The following PLCB4 variants were observed in gnomAD, a reference collection of about 807,000 sequenced individuals.
PLCB4 encodes 1-phosphatidylinositol 4,5-bisphosphate phosphodiesterase beta-4.
In PLCB4, 77 loss-of-function variants were observed where a neutral mutation model predicts 178.8. That is an observed-to-expected ratio of 0.43 (90% confidence interval 0.36 to 0.52). The LOEUF (loss-of-function observed/expected upper bound fraction) is 0.52, where lower values mean the gene tolerates loss of function less well. PLCB4 is among the 20% of genes least tolerant of loss of function. The pLI is 0.00. For synonymous variants in PLCB4, 496 were observed against 490.8 expected, an observed-to-expected ratio of 1.01 and a Z score of -0.14; for missense variants, 1,024 against 1,453.4, an observed-to-expected ratio of 0.70 and a Z score of 4.80.
intron 3 of PLCB4, among the ~76,000 whole-genome samples, chr20:9,253,384 C>T (rs1190848152): frequency 6.6e-6 from 1 of 152,150 alleles, no homozygotes; most frequent in Non-Finnish European, 1.5e-5. Flanking sequence ...CCTCGTTCTC[C>T]AGGTAGCAAA....
chr20:9,288,364 G>A (rs2094552560), intron 3 of PLCB4, among the ~76,000 whole-genome samples: 1 of 147,764 alleles, frequency 6.8e-6, no homozygotes, highest in African/African-American at 2.5e-5. Flanking sequence ...AAGTTCAGAT[G>A]TTTTTCACAT....
At position 9,215,100 on chromosome 20, in the gene PLCB4, G is replaced by A. The variant is rs537612284; in HGVS notation, c.-78-2290G>A. Among the ~76,000 whole-genome samples, 41 of 152,236 alleles carry A rather than the reference G, an allele frequency of 2.7e-4. 1 individual carries two copies. The highest frequency in any genetic ancestry group is 3.4e-3 in the Middle Eastern group (1 of 294). On this transcript the variant is annotated intron_variant, in intron 2 of 39. Coordinates refer to ENST00000378473, the MANE Select transcript of PLCB4 (RefSeq NM_001377142.1). ...TCATAGCCTCAGGAGACATAAAAGA[G>A]TCATATAGTTTAACATTCCAGCTGT...
intron 28 of PLCB4, among the ~76,000 whole-genome samples, chr20:9,431,022 A>C (rs2041357203): frequency 6.6e-6 from 1 of 152,204 alleles, no homozygotes; most frequent in African/African-American, 2.4e-5. Context: ...AGTTTCCTAG[A>C]ACTACTGTAA....
intron 3 of PLCB4, among the ~76,000 whole-genome samples, chr20:9,265,713 C>T (rs1411965732): frequency 6.6e-6 from 1 of 152,158 alleles, no homozygotes; most frequent in Admixed American, 6.5e-5. Context: ...CTGAAGCTGC[C>T]ATACTTGATT....
rs117758952 is a variant in PLCB4 at position 9,282,887 on chromosome 20, C to A, written c.-15-24913C>A. Among the ~76,000 whole-genome samples, 4 of 152,066 alleles carry A rather than the reference C, an allele frequency of 2.6e-5. No individual in the cohort carries two copies. In the East Asian group the frequency reaches 5.8e-4, roughly 22 times the overall value. Reference sequence around the variant, plus strand: ...TCATCTTCCAGTAGATTGTCTTAACCTTTTAAACATGATAATCTCAGGGTT... The same window carrying A: ...TCATCTTCCAGTAGATTGTCTTAACATTTTAAACATGATAATCTCAGGGTT... On this transcript the variant is annotated intron_variant, in intron 3 of 39. Coordinates refer to ENST00000378473, the MANE Select transcript of PLCB4 (RefSeq NM_001377142.1).
chr20:9,298,032 A>G (rs2094659306), intron 3 of PLCB4, among the ~76,000 whole-genome samples: 1 of 152,108 alleles, frequency 6.6e-6, no homozygotes, highest in African/African-American at 2.4e-5. Flanking sequence ...GTATTTTGAG[A>G]TAAAGGAAAT....
chr20:9,157,559 T>C (rs2092812159), intron 2 of PLCB4, among the ~76,000 whole-genome samples: 1 of 152,174 alleles, frequency 6.6e-6, no homozygotes, highest in African/African-American at 2.4e-5. Context: ...CACTTGATTT[T>C]CTCATTCCTG....
In PLCB4 at chr20:9,317,597, C is replaced by T. The variant is rs6056535; in HGVS notation, c.84+9699C>T. Reference sequence around the variant, plus strand: ...TGCTTCAAGGATGCAAGAAGGACGTCTTATTCATGGAAAAATGTGAGATGC... The same window carrying T: ...TGCTTCAAGGATGCAAGAAGGACGTTTTATTCATGGAAAAATGTGAGATGC... On this transcript the variant is annotated intron_variant, in intron 4 of 39. Transcript: ENST00000378473. 3.7e-3 allele frequency among the ~76,000 whole-genome samples: 566 copies of T among 152,204 alleles called. 5 individuals are homozygous for T. The highest frequency in any genetic ancestry group is 0.012 in the African/African-American group (519 of 41,526).
At chr20:9,261,904 TG>T (rs1336735969) in intron 3 of PLCB4, among the ~76,000 whole-genome samples, 5 of 152,182 alleles carry the variant, frequency 3.3e-5, no homozygotes, top group Non-Finnish European at 7.4e-5. Flanking sequence ...AAGACAAAGA[TG>T]AATCTATATT....
chr20:9,192,265 A>G (rs2093414262), intron 2 of PLCB4, among the ~76,000 whole-genome samples: 1 of 152,190 alleles, frequency 6.6e-6, no homozygotes, highest in African/African-American at 2.4e-5. Flanking sequence ...GCCCACAGGT[A>G]TCTCTGCTGT....
intron 9 of PLCB4, among the ~76,000 whole-genome samples, chr20:9,365,763 T>C (rs900689660): frequency 6.6e-6 from 1 of 152,282 alleles, no homozygotes; most frequent in Admixed American, 6.5e-5. Flanking sequence ...CATCAGAAAA[T>C]GTAGAACTAT....
rs140270361 is a variant in PLCB4, at chr20:9,132,773, T to C, written c.-79+36431T>C. ...GGCAAATTTCTGACTTATTTCTGCC[T>C]ATACAATAGCTCCTCACTGCCTCTA... On this transcript the variant is annotated intron_variant, in intron 2 of 39. Coordinates refer to ENST00000378473, the MANE Select transcript of PLCB4 (RefSeq NM_001377142.1). Among the ~76,000 whole-genome samples the C allele has an allele frequency of 2.9e-4, 44 of 152,320 alleles. 1 individual carries two copies. Among genetic ancestry groups the C allele is most frequent in the Non-Finnish European group, 5.4e-4 (37 of 68,026 alleles).
rs747356823 is a variant in PLCB4 at position 9,232,659 on chromosome 20, T to C, written c.-16+15207T>C. ...AAAGTTTGTAGGTAATTTTCAACAT[T>C]TGATGCAGTGCAAAGGACTAAAGAT... On this transcript the variant is annotated intron_variant, in intron 3 of 39. Transcript: ENST00000378473. Among the ~76,000 whole-genome samples the C allele has an allele frequency of 5.9e-5, 9 of 152,246 alleles. No individual in the cohort carries two copies. In the East Asian group the frequency reaches 1.4e-3, roughly 23 times the overall value.
chr20:9,239,941 C>G (rs1478195532), intron 3 of PLCB4, among the ~76,000 whole-genome samples: 1 of 152,190 alleles, frequency 6.6e-6, no homozygotes, highest in Non-Finnish European at 1.5e-5. Flanking sequence ...GGAAGACTCG[C>G]AAGTCTGCTC....
chr20:9,148,950 T>C (rs1050260331), intron 2 of PLCB4, among the ~76,000 whole-genome samples: 11 of 152,194 alleles, frequency 7.2e-5, no homozygotes, highest in African/African-American at 1.2e-4. Context: ...TATTGTTTGC[T>C]TGGGTTTCTG....
At chr20:9,184,915 A>G (rs2093307628) in intron 2 of PLCB4, among the ~76,000 whole-genome samples, 1 of 152,108 alleles carries the variant, frequency 6.6e-6, no homozygotes, top group South Asian at 2.1e-4. Context: ...TTTACTACCT[A>G]TTTATGTATT....
In PLCB4 at chr20:9,244,549, C is replaced by T. The variant is rs537364506; in HGVS notation, c.-16+27097C>T. ...AAGGTAATATTGGCCCCATACAATA[C>T]ATAATTTCTGTCTACGTGTGATTGA... is the stretch of plus-strand genomic sequence containing the variant. On this transcript the variant is annotated intron_variant, in intron 3 of 39. Coordinates refer to ENST00000378473, the MANE Select transcript of PLCB4 (RefSeq NM_001377142.1). Among the ~76,000 whole-genome samples the T allele has an allele frequency of 2.0e-5, 3 of 152,294 alleles. No homozygotes were observed. The South Asian group carries it at 6.2e-4, about 32-fold the overall frequency.
chr20:9,291,790 A>T (rs1428003808), intron 3 of PLCB4, among the ~76,000 whole-genome samples: 1 of 152,164 alleles, frequency 6.6e-6, no homozygotes, highest in Non-Finnish European at 1.5e-5. Flanking sequence ...ATGGGGCAGT[A>T]CCCCTGTGTG....
chr20:9,125,481 T>C (rs1171531006), intron 2 of PLCB4, among the ~76,000 whole-genome samples: 4 of 152,308 alleles, frequency 2.6e-5, no homozygotes, highest in Middle Eastern at 3.4e-3. Context: ...TAAAATAGTG[T>C]GTTATTTTTC....
Sources: gnomAD v4.1 joint callset for allele counts (sites outside exome capture counted in the v4.1 genomes callset) on GRCh38, gnomAD v4.1.1 for gene constraint, MANE v1.5 for transcripts, NCBI Gene and HGNC (gene_info 2026-07-23, HGNC 2026-07-21) for gene names.